Variants in CLVS1 observed in about 807,000 individuals in gnomAD.
CLVS1 encodes clavesin 1, also known as clavesin-1.
Under a neutral mutation model 33.1 loss-of-function variants are expected in CLVS1, and 10 were observed. The ratio of observed to expected loss-of-function variants is 0.30; its 90% confidence interval spans 0.19 to 0.51. CLVS1 has a LOEUF of 0.51. Among genes scored for constraint, CLVS1 ranks in the 20% least tolerant of loss-of-function variants. The pLI is 0.97. For synonymous variants in CLVS1, 163 were observed against 166.1 expected, an observed-to-expected ratio of 0.98 and a Z score of 0.14; for missense variants, 343 against 433.4, an observed-to-expected ratio of 0.79 and a Z score of 1.85.
chr8:61,172,169 T>A (rs1017293296), intron 2 of CLVS1, among the ~76,000 whole-genome samples: 1 of 152,212 alleles, frequency 6.6e-6, no homozygotes, highest in Non-Finnish European at 1.5e-5. Context: ...AACCACTGCA[T>A]CTTTTGTCTA....
intron 2 of CLVS1, among the ~76,000 whole-genome samples, chr8:61,237,639 AC>A (rs551899802): frequency 3.9e-5 from 6 of 152,108 alleles, no homozygotes; most frequent in Non-Finnish European, 7.3e-5. Context: ...AAATTCTAGG[AC>A]CTTGGGATAG....
intron 1 of CLVS1, among the ~76,000 whole-genome samples, chr8:61,098,140 A>G (rs935681916): frequency 1.3e-5 from 2 of 152,128 alleles, no homozygotes; most frequent in African/African-American, 4.8e-5. Context: ...AGCCTGAGTG[A>G]CAGAGCGAGA....
At chr8:61,244,967 A>G (rs1264543413) in intron 2 of CLVS1, among the ~76,000 whole-genome samples, 2 of 152,098 alleles carry the variant, frequency 1.3e-5, no homozygotes, top group African/African-American at 4.8e-5. Context: ...TTCTTTACAT[A>G]TATTTTAGGT....
chr8:61,306,338 T>C (rs2129595129), intron 2 of CLVS1, among the ~76,000 whole-genome samples: 1 of 152,350 alleles, frequency 6.6e-6, no homozygotes, highest in East Asian at 1.9e-4. Flanking sequence ...ATGTCTTCTT[T>C]TTAGAGGTGT....
intron 2 of CLVS1, among the ~76,000 whole-genome samples, chr8:61,263,696 T>C (rs762615464): frequency 6.6e-5 from 10 of 152,168 alleles, no homozygotes; most frequent in African/African-American, 1.9e-4. Context: ...AGAAAGATCA[T>C]AGGAATTGGT....
At chr8:61,433,944 A>C (rs1400407282) in intron 3 of CLVS1, among the ~76,000 whole-genome samples, 2 of 151,504 alleles carry the variant, frequency 1.3e-5, no homozygotes, top group East Asian at 3.9e-4. Context: ...CATTCATTAA[A>C]AAAAAAAAAA....
chr8:61,089,239 G>T lies in CLVS1; in HGVS notation c.-243+32009G>T, dbSNP rs1040814084. Among the ~76,000 whole-genome samples the T allele has an allele frequency of 3.9e-5, 6 of 152,216 alleles. No individual in the cohort carries two copies. In the East Asian group the frequency reaches 5.8e-4, roughly 15 times the overall value. ...CAATTTCTATAATTTAACCAAATTG[G>T]AATTGCAGAAATCAAATGGAAAGGC... On this transcript the variant is annotated intron_variant, in intron 1 of 2. Transcript: ENST00000522621.
chr8:61,050,712 G>A, the CLVS1 span, among the ~76,000 whole-genome samples: 1 of 152,212 alleles, frequency 6.6e-6, no homozygotes, highest in Non-Finnish European at 1.5e-5. Flanking sequence ...TTACCTGGGA[G>A]AGGGCAGCAG....
At chr8:61,268,270 G>C (rs1451391290) in intron 2 of CLVS1, among the ~76,000 whole-genome samples, 1 of 150,428 alleles carries the variant, frequency 6.6e-6, no homozygotes, top group African/African-American at 2.4e-5. Flanking sequence ...TGCGGTGTTT[G>C]GTTTTTTGTT....
the CLVS1 span, among the ~76,000 whole-genome samples, chr8:61,030,462 A>T: frequency 6.6e-6 from 1 of 152,172 alleles, no homozygotes; most frequent in Non-Finnish European, 1.5e-5. Context: ...TAGGGAAATA[A>T]AGGCGACTGC....
chr8:61,307,369 G>C (rs1315724873), intron 2 of CLVS1, among the ~76,000 whole-genome samples: 1 of 152,084 alleles, frequency 6.6e-6, no homozygotes, highest in Non-Finnish European at 1.5e-5. Context: ...AAGAAAGTTG[G>C]TAAACAATTT....
chr8:61,494,953 A>G (rs1034240420), intron 5 of CLVS1, among the ~76,000 whole-genome samples: 1 of 152,214 alleles, frequency 6.6e-6, no homozygotes, highest in African/African-American at 2.4e-5. Context: ...AGGAAAATAA[A>G]AAGTTATGTT....
intron 2 of CLVS1, among the ~76,000 whole-genome samples, chr8:61,341,965 G>A (rs1406507916): frequency 2.6e-5 from 4 of 152,116 alleles, no homozygotes; most frequent in Non-Finnish European, 5.9e-5. Context: ...TCATGAAAAT[G>A]TGTTACTTGG....
the CLVS1 span, among the ~76,000 whole-genome samples, chr8:60,971,562 G>C: frequency 9.9e-5 from 15 of 152,122 alleles, no homozygotes; most frequent in East Asian, 3.9e-4. Flanking sequence ...CATGATAAAG[G>C]CTTCCAGAGG....
At chr8:61,158,834 C>A (rs1323964643) in intron 2 of CLVS1, among the ~76,000 whole-genome samples, 1 of 151,954 alleles carries the variant, frequency 6.6e-6, no homozygotes, top group African/African-American at 2.4e-5. Context: ...AAATGTAGAT[C>A]TTTTAAATTT....
intron 1 of CLVS1, among the ~76,000 whole-genome samples, chr8:61,289,663 T>C (rs976921781): frequency 2.0e-5 from 3 of 152,262 alleles, no homozygotes; most frequent in Non-Finnish European, 4.4e-5. Flanking sequence ...ATTGTCGTTG[T>C]GTATTTATTC....
chr8:61,057,939 C>T (rs1454490903), intron 1 of CLVS1, among the ~76,000 whole-genome samples: 3 of 152,130 alleles, frequency 2.0e-5, no homozygotes, highest in Non-Finnish European at 4.4e-5. Flanking sequence ...TCGAAAATGT[C>T]TTTTGAAGGA....
the CLVS1 span, among the ~76,000 whole-genome samples, chr8:60,992,514 G>T: frequency 6.6e-6 from 1 of 152,196 alleles, no homozygotes; most frequent in South Asian, 2.1e-4. Context: ...CTGAAGCAGA[G>T]GTCTCCCTCG....
intron 3 of CLVS1, among the ~76,000 whole-genome samples, chr8:61,426,010 A>T (rs61293105): frequency 0.014 from 2,159 of 152,302 alleles, 57 homozygotes; most frequent in African/African-American, 0.05. Context: ...AGGGATGCAG[A>T]TTATGCCTGT....
Sources: gnomAD v4.1 joint callset for allele counts (sites outside exome capture counted in the v4.1 genomes callset) on GRCh38, gnomAD v4.1.1 for gene constraint, MANE v1.5 for transcripts, NCBI Gene and HGNC (gene_info 2026-07-23, HGNC 2026-07-21) for gene names.